SH3GL3: variants seen among roughly 807,000 people sequenced by gnomAD.
SH3GL3 encodes the protein endophilin-A3.
A neutral mutation model predicts 47.7 loss-of-function variants in SH3GL3; 33 were observed. The observed-to-expected ratio is 0.69, with a 90% CI of 0.52 to 0.92. The LOEUF is 0.92. Ranked by LOEUF, SH3GL3 falls within the 40% of genes least tolerant of loss-of-function variation. SH3GL3 has a pLI of 0.00. For missense variants in SH3GL3, 363 were observed against 417.8 expected, an observed-to-expected ratio of 0.87 and a Z score of 1.14; for synonymous variants, 155 against 148.8, an observed-to-expected ratio of 1.04 and a Z score of -0.30.
At chr15:83,592,660 G>A (rs2060138365) in intron 8 of SH3GL3, among the ~76,000 whole-genome samples, 1 of 152,186 alleles carries the variant, frequency 6.6e-6, no homozygotes, top group Admixed American at 6.5e-5. Flanking sequence ...AGTCCCCAGA[G>A]AATGTATTTT....
In SH3GL3 at chr15:83,618,257, C is replaced by T. The variant is rs762906180; in HGVS notation, c.1014C>T (p.Tyr338=). The T allele has an allele frequency of 1.7e-5, 28 of 1,610,456 alleles. 1 individual carries two copies. The African/African-American group carries it at 1.9e-4, about 11-fold the overall frequency. ...AATCGGGATTCTTCCCCATTAATTA[C>T]GTGGAAGTGATCGTGCCTTTACCTC... The part of the protein sequence containing the change: ...HGESGFFPIN[Y]VEVIVPLPQ The change falls in exon 9 of 9, where the codon TAC becomes TAT. Residue 338 remains tyrosine (Y), a synonymous_variant. Transcript: ENST00000427482.
chr15:83,472,365 T>G (rs1474330601), intron 1 of SH3GL3, among the ~76,000 whole-genome samples: 1 of 152,214 alleles, frequency 6.6e-6, no homozygotes, highest in East Asian at 1.9e-4. Flanking sequence ...TTATGGTCCC[T>G]CATGTCCCTG....
chr15:83,449,247 T>C (rs1158638643), intron 1 of SH3GL3, among the ~76,000 whole-genome samples: 1 of 152,072 alleles, frequency 6.6e-6, no homozygotes, highest in Non-Finnish European at 1.5e-5. Context: ...AAAGAACTCG[T>C]AGATGACAGG....
At chr15:83,490,920 G>C in intron 1 of SH3GL3, 1 of 1,614,046 alleles carries the variant, frequency 6.2e-7, no homozygotes, top group Non-Finnish European at 8.5e-7. Context: ...ATGGGAAAAT[G>C]TTAAGGGGGA....
rs2039512368 is a variant in SH3GL3, at chr15:83,447,760, CCTTCTCCTT to C, written c.45+184_45+192del. ...CTGCTCTCTCCTCGGCGTCTTGGCGCCTTCTCCTTCCCATTCCCTGGCCCCCGGCTCTGC... is the reference window on the plus strand; with the variant it reads ...CTGCTCTCTCCTCGGCGTCTTGGCGCCCCATTCCCTGGCCCCCGGCTCTGC... On this transcript the variant is annotated intron_variant, in intron 1 of 8. Transcript: ENST00000427482. The surrounding 1 kb of genome is among the most constrained non-coding windows in gnomAD (Gnocchi z 5.1). Among the ~76,000 whole-genome samples the C allele has an allele frequency of 6.6e-6, 1 of 152,308 alleles. No homozygotes were observed. The highest frequency in any genetic ancestry group is 1.9e-4 in the East Asian group (1 of 5,168).
downstream of SH3GL3, among the ~76,000 whole-genome samples, chr15:83,623,370 G>T (rs1417524835): frequency 3.3e-5 from 5 of 152,228 alleles, no homozygotes; most frequent in African/African-American, 9.6e-5. Context: ...GGGACTGGGG[G>T]ATAGTTGGCT....
chr15:83,483,979 G>T (rs2041484557), intron 1 of SH3GL3, among the ~76,000 whole-genome samples: 2 of 152,206 alleles, frequency 1.3e-5, no homozygotes, highest in Admixed American at 1.3e-4. Context: ...AGAGAGAAAA[G>T]AACTGAGATC....
chr15:83,569,952 T>C (rs1294516310), intron 4 of SH3GL3, among the ~76,000 whole-genome samples: 1 of 152,228 alleles, frequency 6.6e-6, no homozygotes, highest in East Asian at 1.9e-4. Context: ...CAGGTAAGCA[T>C]TTGCCTTCAG....
At chr15:83,467,106 ACT>A in intron 1 of SH3GL3, among the ~76,000 whole-genome samples, 1 of 152,238 alleles carries the variant, frequency 6.6e-6, no homozygotes, top group East Asian at 1.9e-4. Flanking sequence ...GAGTCTAAGA[ACT>A]CTTGCTTAGT....
chr15:83,457,215 C>T (rs1223752117), intron 1 of SH3GL3, among the ~76,000 whole-genome samples: 1 of 152,150 alleles, frequency 6.6e-6, no homozygotes, highest in African/African-American at 2.4e-5. Flanking sequence ...GTTCTGCATC[C>T]CATAAAAGTC....
chr15:83,567,998 T>C (rs2045635691), intron 3 of SH3GL3, among the ~76,000 whole-genome samples: 2 of 151,438 alleles, frequency 1.3e-5, no homozygotes, highest in Non-Finnish European at 2.9e-5. Flanking sequence ...TTTTTTTTTT[T>C]TGAGACAAAG....
In SH3GL3 at chr15:83,618,094, C is replaced by T; in HGVS notation, c.851C>T (p.Pro284Leu). 1.2e-6 allele frequency: 2 copies of T among 1,612,218 alleles called. No homozygotes were observed. The highest frequency in any genetic ancestry group is 1.7e-6 in the Non-Finnish European group (2 of 1,178,276). ...SVVKTTGSNI[P>L]MDQPCCRGLY... is the part of the protein sequence containing the mutation. The stretch of plus-strand genomic sequence containing the variant: ...ATCATGTGGACAGGTTCTAACATTC[C>T]CATGGACCAGCCCTGCTGTCGTGGT... Residue 284 changes from proline (P) to leucine (L), a missense_variant, in exon 9 of 9, where the codon CCC becomes CTC. Physicochemically the swap from Pro to Leu is moderately conservative, Grantham distance 98 (BLOSUM62 -3). Transcript: ENST00000427482.
intron 1 of SH3GL3, among the ~76,000 whole-genome samples, chr15:83,540,305 G>C (rs941621702): frequency 6.6e-6 from 1 of 152,116 alleles, no homozygotes; most frequent in Non-Finnish European, 1.5e-5. Flanking sequence ...TTCTACATAT[G>C]ATGGTTCAAG....
At chr15:83,524,872 C>T (rs935366424) in intron 1 of SH3GL3, among the ~76,000 whole-genome samples, 11 of 152,038 alleles carry the variant, frequency 7.2e-5, no homozygotes, top group African/African-American at 2.4e-4. Context: ...AATAGTATTC[C>T]ATTGTGTATA....
At chr15:83,506,379 A>G (rs369261615) in intron 1 of SH3GL3, among the ~76,000 whole-genome samples, 5 of 152,104 alleles carry the variant, frequency 3.3e-5, no homozygotes, top group African/African-American at 9.7e-5. Context: ...GTGGGATCCT[A>G]TATATTGGCT....
intron 1 of SH3GL3, among the ~76,000 whole-genome samples, chr15:83,484,293 T>C (rs1254374907): frequency 6.6e-6 from 1 of 152,224 alleles, no homozygotes; most frequent in East Asian, 1.9e-4. Context: ...TGTCTTTGCC[T>C]ATTATTTATT....
chr15:83,512,839 C>A (rs1352511178), intron 1 of SH3GL3, among the ~76,000 whole-genome samples: 1 of 152,170 alleles, frequency 6.6e-6, no homozygotes, highest in African/African-American at 2.4e-5. Flanking sequence ...TCTGCATGGA[C>A]CCCTTAGAGT....
chr15:83,453,558 G>T (rs1030075931), intron 1 of SH3GL3, among the ~76,000 whole-genome samples: 3 of 151,616 alleles, frequency 2.0e-5, no homozygotes, highest in East Asian at 1.9e-4. Flanking sequence ...GTCGAGGAAT[G>T]TATCCATTTC....
chr15:83,466,260 T>A (rs2040563002), intron 1 of SH3GL3, among the ~76,000 whole-genome samples: 1 of 152,154 alleles, frequency 6.6e-6, no homozygotes, highest in East Asian at 1.9e-4. Context: ...TGTATCACAG[T>A]TTGTTCAACC....
Sources: gnomAD v4.1 joint callset for allele counts (sites outside exome capture counted in the v4.1 genomes callset) on GRCh38, gnomAD v4.1.1 for gene constraint, Gnocchi (gnomAD v3.1) non-coding constraint, MANE v1.5 for transcripts, NCBI Gene and HGNC (gene_info 2026-07-23, HGNC 2026-07-21) for gene names.